The following HPSE2 variants were observed in gnomAD, a reference collection of about 807,000 sequenced individuals.
The protein encoded by HPSE2 is inactive heparanase-2.
Under a neutral mutation model 60.5 loss-of-function variants are expected in HPSE2, and 38 were observed. The observed-to-expected ratio is 0.63, with a 90% CI of 0.48 to 0.82. The LOEUF is 0.82. Ranked by LOEUF, HPSE2 falls within the 40% of genes least tolerant of loss-of-function variation. The pLI, the probability that HPSE2 is intolerant of heterozygous loss-of-function variation, is 0.00. For synonymous variants in HPSE2, 295 were observed against 293.2 expected (o/e 1.01, Z -0.06); for missense variants, 713 against 740.4 (o/e 0.96, Z 0.43).
At chr10:99,049,711 A>G (rs563950236) in intron 3 of HPSE2, among the ~76,000 whole-genome samples, 2 of 152,290 alleles carry the variant, frequency 1.3e-5, no homozygotes, top group Middle Eastern at 3.4e-3. Context: ...GATATACCAG[A>G]TAAATAATTA....
chr10:98,462,800 C>A (rs924834798), intron 11 of HPSE2, among the ~76,000 whole-genome samples: 1 of 152,162 alleles, frequency 6.6e-6, no homozygotes, highest in South Asian at 2.1e-4. Context: ...CCCTTGACTT[C>A]GGTCACTATC....
At chr10:98,642,252 T>C (rs1946658267) in intron 6 of HPSE2, among the ~76,000 whole-genome samples, 1 of 152,192 alleles carries the variant, frequency 6.6e-6, no homozygotes, top group Non-Finnish European at 1.5e-5. Context: ...ATACTTTTTT[T>C]TCCCCTTGAG....
chr10:99,070,054 A>T (rs114431445), intron 3 of HPSE2, among the ~76,000 whole-genome samples: 3,107 of 152,268 alleles, frequency 0.02, 100 homozygotes, highest in African/African-American at 0.057. Flanking sequence ...CTTTTTAAAA[A>T]GGTTTTCTGT....
intron 6 of HPSE2, among the ~76,000 whole-genome samples, chr10:98,654,601 A>G (rs1404100197): frequency 3.9e-5 from 6 of 151,968 alleles, no homozygotes; most frequent in Non-Finnish European, 8.8e-5. Flanking sequence ...CTATCTCTCT[A>G]CTTATATTAA....
chr10:98,819,829 C>A (rs1036147497), intron 3 of HPSE2, among the ~76,000 whole-genome samples: 1 of 152,068 alleles, frequency 6.6e-6, no homozygotes, highest in Non-Finnish European at 1.5e-5. Context: ...GAATGTAAAG[C>A]TAGGAATCTT....
chr10:99,145,039 G>C (rs566297236), intron 2 of HPSE2, among the ~76,000 whole-genome samples: 2 of 152,310 alleles, frequency 1.3e-5, no homozygotes, highest in South Asian at 2.1e-4. Context: ...AGGAGGTCTA[G>C]AGTCATGGAA....
chr10:98,944,490 T>G (rs1007840620), intron 3 of HPSE2, among the ~76,000 whole-genome samples: 1 of 152,212 alleles, frequency 6.6e-6, no homozygotes, highest in Non-Finnish European at 1.5e-5. Flanking sequence ...TAGTTTATAC[T>G]ATTTCAGTGG....
intron 3 of HPSE2, among the ~76,000 whole-genome samples, chr10:98,951,819 C>CATTT (rs1408864746): frequency 1.3e-5 from 2 of 152,140 alleles, no homozygotes; most frequent in African/African-American, 4.8e-5. Context: ...ATAAAGCTAA[C>CATTT]ATTTATTCAC....
intron 5 of HPSE2, among the ~76,000 whole-genome samples, chr10:98,712,149 C>T (rs1481680710): frequency 2.6e-5 from 4 of 152,050 alleles, no homozygotes; most frequent in South Asian, 2.1e-4. Flanking sequence ...AGTGTCAAAT[C>T]GAAGTCTATG....
At position 99,169,504 on chromosome 10, in the gene HPSE2, C is replaced by CAAAAAAAAAA. The variant is rs562946052; in HGVS notation, c.449-25115_449-25106dup. Among the ~76,000 whole-genome samples the CAAAAAAAAAA allele has an allele frequency of 3.5e-4, 19 of 54,732 alleles. 1 individual carries two copies. Among genetic ancestry groups the CAAAAAAAAAA allele is most frequent in the Admixed American group, 7.0e-4 (2 of 2,856 alleles). 35.9% of individuals were successfully genotyped at this position (54,732 alleles called of 152,430 possible). A position where few individuals can be genotyped will look rare whatever the true frequency, so the allele number is the denominator to read the frequency against. On this transcript the variant is annotated intron_variant, in intron 2 of 11. Coordinates refer to ENST00000370552, the MANE Select transcript of HPSE2 (RefSeq NM_021828.5). ...TGGGTGACAGAGCAAGACTCCGTCT[C>CAAAAAAAAAA]AAAAAAAAAAAAAAAAAAAAAAAAA...
At chr10:98,979,336 C>A (rs2135293564) in intron 3 of HPSE2, among the ~76,000 whole-genome samples, 2 of 152,218 alleles carry the variant, frequency 1.3e-5, no homozygotes, top group South Asian at 4.1e-4. Context: ...ATAACATCTA[C>A]AGTGCATAAT....
intron 3 of HPSE2, among the ~76,000 whole-genome samples, chr10:98,803,018 T>C (rs1950952194): frequency 6.7e-6 from 1 of 148,454 alleles, no homozygotes; most frequent in Admixed American, 6.7e-5. Flanking sequence ...CCATTCTAAC[T>C]GGTGTGAGAT....
chr10:99,280,023 G>C, the HPSE2 span, among the ~76,000 whole-genome samples: 1 of 152,218 alleles, frequency 6.6e-6, no homozygotes, highest in Non-Finnish European at 1.5e-5. Context: ...GCTATGCACA[G>C]AGCCTGTGAC....
intron 3 of HPSE2, among the ~76,000 whole-genome samples, chr10:99,086,104 G>A (rs1480274206): frequency 6.6e-6 from 1 of 152,038 alleles, no homozygotes; most frequent in African/African-American, 2.4e-5. Context: ...TTGTTTATAT[G>A]CCTATTACAG....
chr10:98,569,109 G>T, intron 9 of HPSE2, among the ~76,000 whole-genome samples: 1 of 151,022 alleles, frequency 6.6e-6, no homozygotes, highest in East Asian at 1.9e-4. Flanking sequence ...TGTCGCCCAG[G>T]CTGGAGTGCA....
chr10:98,695,928 A>G (rs10748750), intron 5 of HPSE2, among the ~76,000 whole-genome samples: 89,910 of 151,824 alleles, frequency 0.59, 27,159 homozygotes, highest in South Asian at 0.78. Flanking sequence ...ACCAGCTCTT[A>G]AATGAATAGA....
At chr10:99,312,398 C>T in the HPSE2 span, among the ~76,000 whole-genome samples, 1 of 152,232 alleles carries the variant, frequency 6.6e-6, no homozygotes, top group Non-Finnish European at 1.5e-5. Context: ...AAAGCCAGCA[C>T]TCATTTACCA....
chr10:98,698,403 C>T lies in HPSE2; in HGVS notation c.957-4456G>A, dbSNP rs1455537896. Among the ~76,000 whole-genome samples, 13 of 151,042 alleles carry T rather than the reference C, an allele frequency of 8.6e-5. No homozygotes were observed. In the East Asian group the frequency reaches 1.4e-3, roughly 16 times the overall value. ...TCCTGAATGACTACTGGGTACATAA[C>T]GAAATGAAGGCAGAAATAAAGATGT... On this transcript the variant is annotated intron_variant, in intron 5 of 11. Coordinates refer to ENST00000370552, the MANE Select transcript of HPSE2 (RefSeq NM_021828.5).
At chr10:98,971,280 CTGT>C (rs1408435462) in intron 3 of HPSE2, among the ~76,000 whole-genome samples, 2 of 152,116 alleles carry the variant, frequency 1.3e-5, no homozygotes, top group African/African-American at 2.4e-5. Context: ...TTAAAAAATT[CTGT>C]TGTTGTTATG....
Sources: allele counts gnomAD v4.1 joint callset (sites outside exome capture counted in the v4.1 genomes callset), GRCh38; gene constraint gnomAD v4.1.1; transcripts MANE v1.5; gene names NCBI Gene and HGNC (gene_info 2026-07-23, HGNC 2026-07-21).